The following FREM3 variants were observed in gnomAD, a reference collection of about 807,000 sequenced individuals.
FREM3 encodes the protein FRAS1-related extracellular matrix protein 3.
FREM3 carries 105 observed loss-of-function variants against 129.1 expected under a neutral mutation model. The ratio of observed to expected loss-of-function variants is 0.81; its 90% confidence interval spans 0.69 to 0.96. The LOEUF (loss-of-function observed/expected upper bound fraction) is 0.96, where lower values mean the gene tolerates loss of function less well. Ranked by LOEUF, FREM3 falls within the 40% of genes least tolerant of loss-of-function variation. The pLI is 0.00. For missense variants in FREM3, 2,593 were observed against 2,666.3 expected, an observed-to-expected ratio of 0.97 and a Z score of 0.61; for synonymous variants, 1,014 against 1,044.9, an observed-to-expected ratio of 0.97 and a Z score of 0.57.
chr4:143,623,980 T>C, intron 4 of FREM3, 128 bp downstream of exon 4: 1 of 613,038 alleles, frequency 1.6e-6, no homozygotes, highest in East Asian at 2.7e-5. Flanking sequence ...AGTAATTTAC[T>C]TCACTTTAAA....
intron 2 of FREM3, among the ~76,000 whole-genome samples, chr4:143,630,923 T>C (rs1376271567): frequency 6.6e-6 from 1 of 152,102 alleles, no homozygotes; most frequent in Admixed American, 6.6e-5. Context: ...AACAACTCAA[T>C]GGGGTTTTGG....
chr4:143,675,148 C>A (rs1383184362), intron 2 of FREM3, among the ~76,000 whole-genome samples: 5 of 152,182 alleles, frequency 3.3e-5, no homozygotes, highest in African/African-American at 1.2e-4. Context: ...AAGTAAAGCA[C>A]TCCTCAGCAA....
In FREM3 at chr4:143,690,903, C is replaced by T. The variant is rs150892954; in HGVS notation, c.5275+2210G>A. Among the ~76,000 whole-genome samples the T allele has an allele frequency of 8.5e-3, 1,287 of 152,234 alleles. 19 individuals are homozygous for T. Among genetic ancestry groups the T allele is most frequent in the Admixed American group, 0.016 (240 of 15,278 alleles). ...CAGCACATGCCTGTAGTACCAGCTA[C>T]TTGAGAGGTGGATGTGGGAGGACCA... On this transcript the variant is annotated intron_variant, in intron 2 of 7. Transcript: ENST00000329798.
chr4:143,588,027 CCT>C (rs938975461), intron 6 of FREM3, among the ~76,000 whole-genome samples: 1 of 152,102 alleles, frequency 6.6e-6, no homozygotes, highest in Non-Finnish European at 1.5e-5. Context: ...CAATGCAGTC[CCT>C]CTCTTTTGTT....
chr4:143,604,217 A>C (rs1054762023), intron 6 of FREM3, among the ~76,000 whole-genome samples: 1 of 152,134 alleles, frequency 6.6e-6, no homozygotes, highest in Non-Finnish European at 1.5e-5. Context: ...GGCCCTCACC[A>C]GAAGCAGATG....
chr4:143,577,561 T>A lies in FREM3; in HGVS notation c.*50A>T, dbSNP rs1166072610. 10 of 1,488,084 alleles carry A rather than the reference T, an allele frequency of 6.7e-6. No individual in the cohort carries two copies. The highest frequency in any genetic ancestry group is 2.8e-5 in the African/African-American group (2 of 71,618). The allele number at this position is 1,488,084 out of a possible 1,614,324, so 92.2% of individuals were successfully genotyped here. On this transcript the variant is annotated 3_prime_UTR_variant, in exon 8 of 8. Transcript: ENST00000329798. Reference sequence around the variant, plus strand: ...AGATCTATAAACAGTAGAGTTTCATTCTGTTGTTAGGAGACATATCTTGGC... The same window carrying A: ...AGATCTATAAACAGTAGAGTTTCATACTGTTGTTAGGAGACATATCTTGGC...
At chr4:143,679,504 G>A (rs1022914612) in intron 2 of FREM3, among the ~76,000 whole-genome samples, 2 of 152,060 alleles carry the variant, frequency 1.3e-5, no homozygotes, top group East Asian at 1.9e-4. Context: ...TATAATCAGC[G>A]GTTTCAGCAT....
intron 6 of FREM3, among the ~76,000 whole-genome samples, chr4:143,588,974 T>C (rs1276395671): frequency 2.0e-5 from 3 of 152,052 alleles, no homozygotes; most frequent in African/African-American, 2.4e-5. Context: ...TGGTTTTGAT[T>C]TGCATTTCTC....
intron 2 of FREM3, among the ~76,000 whole-genome samples, chr4:143,641,367 C>T (rs1739318800): frequency 1.3e-5 from 2 of 152,208 alleles, no homozygotes; most frequent in African/African-American, 4.8e-5. Context: ...CTACTGAACA[C>T]AGCCCAGGTT....
At chr4:143,651,376 G>A (rs1316730756) in intron 2 of FREM3, among the ~76,000 whole-genome samples, 2 of 152,194 alleles carry the variant, frequency 1.3e-5, no homozygotes, top group African/African-American at 4.8e-5. Flanking sequence ...GAACTCAGAG[G>A]ATGGGTGGAA....
rs79098276 is a variant in FREM3, at chr4:143,611,786, C to T, written c.5780-259G>A. On this transcript the variant is annotated intron_variant, in intron 5 of 7. Coordinates refer to ENST00000329798, the MANE Select transcript of FREM3 (RefSeq NM_001168235.2). ...TTGTTTATATTAGGGGCTAAATAAA[C>T]AAGATCACAGGATGCTAGGGCTGGC... Among the ~76,000 whole-genome samples the T allele has an allele frequency of 6.1e-3, 935 of 152,200 alleles. 9 individuals carry two copies. Among genetic ancestry groups the T allele is most frequent in the African/African-American group, 0.022 (905 of 41,516 alleles).
chr4:143,662,857 T>C (rs1739764182), intron 2 of FREM3, among the ~76,000 whole-genome samples: 2 of 152,066 alleles, frequency 1.3e-5, no homozygotes, highest in African/African-American at 4.8e-5. Flanking sequence ...TTGTCTCTTT[T>C]GATCTTTGTT....
chr4:143,675,035 T>A (rs1273784009), intron 2 of FREM3, among the ~76,000 whole-genome samples: 3 of 152,094 alleles, frequency 2.0e-5, no homozygotes. Flanking sequence ...CTGCACCAAG[T>A]GGACCTAATA....
At chr4:143,595,559 C>T (rs1738454172) in intron 6 of FREM3, among the ~76,000 whole-genome samples, 1 of 152,100 alleles carries the variant, frequency 6.6e-6, no homozygotes, top group Admixed American at 6.5e-5. Flanking sequence ...CCTTCTTTTG[C>T]TGTAGCACTT....
chr4:143,635,131 AC>A (rs1739212972), intron 2 of FREM3, among the ~76,000 whole-genome samples: 2 of 152,146 alleles, frequency 1.3e-5, no homozygotes, highest in Non-Finnish European at 1.5e-5. Flanking sequence ...TGAGGGAGAC[AC>A]TGTAGAAAAA....
intron 6 of FREM3, among the ~76,000 whole-genome samples, chr4:143,602,115 C>T (rs188549409): frequency 6.6e-6 from 1 of 152,276 alleles, no homozygotes; most frequent in Non-Finnish European, 1.5e-5. Flanking sequence ...TAACATGTGC[C>T]TAAACTAGTA....
chr4:143,679,543 C>G (rs1386446273), intron 2 of FREM3, among the ~76,000 whole-genome samples: 1 of 152,140 alleles, frequency 6.6e-6, no homozygotes, highest in Non-Finnish European at 1.5e-5. Context: ...TTAAATCACA[C>G]AAAGGGAAAA....
intron 6 of FREM3, among the ~76,000 whole-genome samples, chr4:143,594,358 C>T (rs1033051384): frequency 2.6e-5 from 4 of 152,148 alleles, no homozygotes; most frequent in Non-Finnish European, 5.9e-5. Context: ...TCCTATTTGG[C>T]CATCTTGGCT....
chr4:143,623,437 T>G (rs561874097), intron 4 of FREM3, among the ~76,000 whole-genome samples: 1 of 151,400 alleles, frequency 6.6e-6, no homozygotes, highest in African/African-American at 2.4e-5. Context: ...ACATGACCTC[T>G]TTTAACTACT....
Sources: gnomAD v4.1 joint callset for allele counts (sites outside exome capture counted in the v4.1 genomes callset) on GRCh38, gnomAD v4.1.1 for gene constraint, MANE v1.5 for transcripts, NCBI Gene and HGNC (gene_info 2026-07-23, HGNC 2026-07-21) for gene names.